Variants in CPED1 observed in about 807,000 individuals in gnomAD.
The protein encoded by CPED1 is cadherin like and PC-esterase domain containing 1.
Under a neutral mutation model 128.2 loss-of-function variants are expected in CPED1, and 114 were observed. The ratio of observed to expected loss-of-function variants is 0.89; its 90% CI spans 0.76 to 1.04. CPED1 has a LOEUF of 1.04. Among genes scored for constraint, CPED1 ranks in the 50% least tolerant of loss-of-function variants. The probability of loss-of-function intolerance (pLI) is 0.00; values close to 1 mark genes in which losing one functional copy is unlikely to be tolerated. For missense variants in CPED1, 1,211 were observed against 1,207.1 expected, an observed-to-expected ratio of 1.00 and a Z score of -0.05; for synonymous variants, 462 against 426.7, an observed-to-expected ratio of 1.08 and a Z score of -1.02.
chr7:121,069,468 G>C (rs1203645165), intron 5 of CPED1, among the ~76,000 whole-genome samples: 3 of 152,074 alleles, frequency 2.0e-5, no homozygotes, highest in African/African-American at 7.2e-5. Context: ...AAATGTGGCT[G>C]GAACCCATGC....
intron 3 of CPED1, among the ~76,000 whole-genome samples, chr7:121,036,818 T>C (rs762846304): frequency 6.6e-5 from 10 of 152,174 alleles, no homozygotes; most frequent in Admixed American, 1.3e-4. Flanking sequence ...TTTTCTTTTT[T>C]GATTATGGCC....
chr7:121,027,156 G>C (rs906733186), intron 3 of CPED1, among the ~76,000 whole-genome samples: 1 of 151,820 alleles, frequency 6.6e-6, no homozygotes, highest in African/African-American at 2.4e-5. Flanking sequence ...ATTTCTTAAA[G>C]TTCAAATGAA....
At chr7:121,003,538 T>C (rs962584192) in intron 2 of CPED1, among the ~76,000 whole-genome samples, 2 of 152,186 alleles carry the variant, frequency 1.3e-5, no homozygotes, top group Non-Finnish European at 2.9e-5. Flanking sequence ...CAATTTTTGA[T>C]TGTAGGAGCA....
At chr7:121,080,615 C>A (rs1335262897) in intron 5 of CPED1, among the ~76,000 whole-genome samples, 1 of 152,128 alleles carries the variant, frequency 6.6e-6, no homozygotes, top group Non-Finnish European at 1.5e-5. Context: ...CTAAAATTTA[C>A]ATACCTGCTT....
chr7:121,205,696 C>G (rs953928779), intron 16 of CPED1, among the ~76,000 whole-genome samples: 5 of 151,994 alleles, frequency 3.3e-5, no homozygotes, highest in Non-Finnish European at 7.4e-5. Flanking sequence ...GCACTCAGCT[C>G]TAGGATTACA....
At chr7:121,205,068 G>A (rs1423993982) in intron 16 of CPED1, among the ~76,000 whole-genome samples, 3 of 152,032 alleles carry the variant, frequency 2.0e-5, no homozygotes, top group African/African-American at 7.2e-5. Flanking sequence ...TGCTGATGAG[G>A]ATTTCAGATG....
chr7:121,231,612 G>A (rs140497374), intron 16 of CPED1, among the ~76,000 whole-genome samples: 3 of 152,062 alleles, frequency 2.0e-5, no homozygotes, highest in South Asian at 2.1e-4. Context: ...TATGTAGAAC[G>A]TTGGATGGAG....
At chr7:121,081,425 C>A (rs759056345) in intron 5 of CPED1, among the ~76,000 whole-genome samples, 3 of 152,146 alleles carry the variant, frequency 2.0e-5, no homozygotes, top group Non-Finnish European at 4.4e-5. Flanking sequence ...GAAGCATGAA[C>A]TCTATTATAT....
intron 2 of CPED1, among the ~76,000 whole-genome samples, chr7:121,002,134 C>G (rs1791879401): frequency 6.6e-6 from 1 of 152,076 alleles, no homozygotes; most frequent in Non-Finnish European, 1.5e-5. Flanking sequence ...AATTGTGCTG[C>G]TACAATTGAG....
In CPED1 at chr7:121,235,437, T is replaced by A. The variant is rs550966356; in HGVS notation, c.2056-1277T>A. Among the ~76,000 whole-genome samples the A allele has an allele frequency of 7.9e-5, 12 of 152,266 alleles. No homozygotes were observed. In the East Asian group the frequency reaches 2.1e-3, roughly 27 times the overall value. On this transcript the variant is annotated intron_variant, in intron 16 of 22. Transcript: ENST00000310396. ...CCCCACCATTCCTCTTGTTCCTTAA[T>A]ATCCTGGACCTTTTTGTATGAGATC...
intron 9 of CPED1, 86 bp downstream of exon 9, chr7:121,125,978 A>G: frequency 1.0e-6 from 1 of 977,718 alleles, no homozygotes. Flanking sequence ...TTTCATTCAT[A>G]GTAACCAATC....
intron 2 of CPED1, among the ~76,000 whole-genome samples, chr7:121,011,550 G>T (rs775614286): frequency 7.9e-5 from 12 of 152,148 alleles, no homozygotes; most frequent in African/African-American, 2.7e-4. Context: ...CTCATTCAAA[G>T]AATATTTATT....
chr7:121,062,695 C>T (rs1793705307), intron 4 of CPED1: 2 of 149,270 alleles, frequency 1.3e-5, no homozygotes, highest in Admixed American at 1.3e-4. Flanking sequence ...GCTGTGTCCC[C>T]ACCCAAATCT....
rs1278152351 is a variant in CPED1 at position 121,266,717 on chromosome 7, C to A, written c.2542C>A (p.Leu848Ile). The A allele has an allele frequency of 6.2e-7, 1 of 1,612,516 alleles. No homozygotes were observed. The highest frequency in any genetic ancestry group is 8.5e-7 in the Non-Finnish European group (1 of 1,178,920). Reference protein sequence around the residue: ...LEHLLQRSRPLENTGQTVLVV... With the variant: ...LEHLLQRSRPIENTGQTVLVV... ...CTTTCTGAATTTCAGATCACGTCCC[C>A]TAGAGAATACTGGCCAGACTGTATT... The change falls in exon 20 of 23, where the codon CTA (leucine) becomes ATA (isoleucine). Residue 848 changes from leucine (L) to isoleucine (I), a missense_variant. Physicochemically the swap from Leu to Ile is conservative, Grantham distance 5. Coordinates refer to ENST00000310396, the MANE Select transcript of CPED1 (RefSeq NM_024913.5).
intron 7 of CPED1, among the ~76,000 whole-genome samples, chr7:121,104,996 G>A (rs1794938664): frequency 6.6e-6 from 1 of 152,046 alleles, no homozygotes; most frequent in Non-Finnish European, 1.5e-5. Context: ...CTGGGATACC[G>A]TAGCCTTTTT....
intron 16 of CPED1, among the ~76,000 whole-genome samples, chr7:121,143,324 C>G (rs1379033966): frequency 2.0e-5 from 3 of 151,944 alleles, no homozygotes; most frequent in Admixed American, 6.6e-5. Context: ...CCCTGAACCT[C>G]TAATATAGTA....
chr7:121,212,515 G>A (rs948290468), intron 16 of CPED1, among the ~76,000 whole-genome samples: 1 of 151,926 alleles, frequency 6.6e-6, no homozygotes, highest in Non-Finnish European at 1.5e-5. Flanking sequence ...AAAGCATCTC[G>A]AGTTGACCAT....
chr7:121,150,737 A>T (rs1194214833), intron 16 of CPED1, among the ~76,000 whole-genome samples: 1 of 142,540 alleles, frequency 7.0e-6, no homozygotes, highest in Non-Finnish European at 1.5e-5. Context: ...TCCCACAGCC[A>T]AACCGAGTCT....
chr7:121,101,580 G>A (rs1295520394), intron 7 of CPED1, among the ~76,000 whole-genome samples: 4 of 152,030 alleles, frequency 2.6e-5, no homozygotes, highest in East Asian at 1.9e-4. Context: ...ATCTGTGTCC[G>A]TTTTTGCATT....
Sources: allele counts gnomAD v4.1 joint callset (sites outside exome capture counted in the v4.1 genomes callset), GRCh38; gene constraint gnomAD v4.1.1; transcripts MANE v1.5; gene names NCBI Gene and HGNC (gene_info 2026-07-23, HGNC 2026-07-21).